KAT6A: variants seen among roughly 807,000 people sequenced by gnomAD.
KAT6A encodes lysine acetyltransferase 6A, also known as histone acetyltransferase KAT6A.
In KAT6A, 9 loss-of-function variants were observed where a neutral mutation model predicts 198.4. The observed-to-expected ratio is 0.05, with a 90% CI of 0.03 to 0.08. The LOEUF (loss-of-function observed/expected upper bound fraction) is 0.08. Ranked by LOEUF, KAT6A falls within the 10% of genes least tolerant of loss-of-function variation. The probability of loss-of-function intolerance (pLI) is 1.00; values close to 1 mark genes in which losing one functional copy is unlikely to be tolerated. For missense variants in KAT6A, 2,077 were observed against 2,509.9 expected, an observed-to-expected ratio of 0.83 and a Z score of 3.69; for synonymous variants, 890 against 883.0, an observed-to-expected ratio of 1.01 and a Z score of -0.14.
At chr8:41,966,963 G>A (rs1823522295) in intron 8 of KAT6A, among the ~76,000 whole-genome samples, 1 of 152,052 alleles carries the variant, frequency 6.6e-6, no homozygotes, top group South Asian at 2.1e-4. Context: ...ATGTAAAATG[G>A]GGTAACACCT....
Position 41,933,173 on chromosome 8 carries a change from G to A in KAT6A, c.5047C>T (p.Pro1683Ser). The change falls in exon 17 of 17, where the codon CCG (proline) becomes TCG (serine). Residue 1683 changes from proline to serine, a missense_variant. Coordinates refer to ENST00000265713, the MANE Select transcript of KAT6A (RefSeq NM_006766.5). The surrounding 1 kb of genome is among the most constrained non-coding windows in gnomAD (Gnocchi z 6.2). The part of the protein sequence containing the change: ...PPPQQQPQQQ[P>S]QPQPQQPPPP... ...GGAGGCTGCTGGGGCTGAGGCTGCG[G>A]CTGCTGTTGCGGCTGCTGCTGGGGT... The A allele has an allele frequency of 6.3e-7, 1 of 1,591,932 alleles. No homozygotes were observed. The highest frequency in any genetic ancestry group is 8.5e-7 in the Non-Finnish European group (1 of 1,169,880).
chr8:41,974,580 C>T (rs1375409409), intron 8 of KAT6A, 124 bp downstream of exon 8: 18 of 629,720 alleles, frequency 2.9e-5, no homozygotes, highest in East Asian at 2.7e-5. Flanking sequence ...CATATACACA[C>T]AAACCACAAC....
At chr8:41,983,672 T>C (rs1390097818) in intron 3 of KAT6A, among the ~76,000 whole-genome samples, 1 of 152,240 alleles carries the variant, frequency 6.6e-6, no homozygotes. Flanking sequence ...GAGTCAAATG[T>C]ATTAAACATT....
rs1802466995 is a variant in KAT6A at position 42,049,097 on chromosome 8, T to C, written c.-120A>G. On this transcript the variant is annotated 5_prime_UTR_variant, in exon 2 of 17. Coordinates refer to ENST00000265713, the MANE Select transcript of KAT6A (RefSeq NM_006766.5). ...AACCAGTTAACCATAGCATATGAGT[T>C]TTCTGGCCTAAGTCCTTCCTCCTTT... 9.3e-7 allele frequency: 1 copy of C among 1,072,070 alleles called. No homozygotes were observed. Among genetic ancestry groups the C allele is most frequent in the African/African-American group, 1.6e-5 (1 of 63,276 alleles). The allele number at this position is 1,072,070 out of a possible 1,614,324, so 66.4% of individuals were successfully genotyped here.
At chr8:41,995,529 A>T (rs1010893637) in intron 2 of KAT6A, among the ~76,000 whole-genome samples, 2 of 152,154 alleles carry the variant, frequency 1.3e-5, no homozygotes, top group African/African-American at 4.8e-5. Context: ...AACAGTAAAA[A>T]TTTTGCCCAA....
intron 9 of KAT6A, among the ~76,000 whole-genome samples, chr8:41,954,290 C>T (rs2150870695): frequency 6.6e-6 from 1 of 152,316 alleles, no homozygotes; most frequent in East Asian, 1.9e-4. Context: ...TTCTTGGCAA[C>T]AACCCATGTT....
intron 2 of KAT6A, among the ~76,000 whole-genome samples, chr8:42,013,668 T>C (rs1826127522): frequency 6.6e-6 from 1 of 152,356 alleles, no homozygotes; most frequent in Middle Eastern, 3.4e-3. Context: ...CTTCTATAAT[T>C]TTCATTCAAA....
Position 41,977,208 on chromosome 8 carries a change from T to C in KAT6A, c.1163A>G (p.Asp388Gly), listed in dbSNP as rs777883958. 3 of 1,614,092 alleles carry C rather than the reference T, an allele frequency of 1.9e-6. No individual in the cohort carries two copies. The highest frequency in any genetic ancestry group is 1.3e-5 in the African/African-American group (1 of 74,946). The change falls in exon 7 of 17, where the codon GAT becomes GGT. Residue 388 changes from aspartate to glycine, a missense_variant. By Grantham distance (94) the Asp-to-Gly change is moderately conservative. Transcript: ENST00000265713. ...GCTATCTCTGCAGAAGTCCAAGCCA[T>C]CTATCCGCTCTAAATATCCTTCTTC... Reference protein sequence around the residue: ...SSEEGYLERIDGLDFCRDSNV... With the variant: ...SSEEGYLERIGGLDFCRDSNV...
chr8:42,044,779 A>G (rs549427781), intron 2 of KAT6A, among the ~76,000 whole-genome samples: 1 of 152,352 alleles, frequency 6.6e-6, no homozygotes, highest in South Asian at 2.1e-4. Flanking sequence ...GGCCCACAGT[A>G]GGTGCTCAAT....
In KAT6A at chr8:41,990,312, T is replaced by C. The variant is rs569536637; in HGVS notation, c.601-2749A>G. 8.5e-5 allele frequency among the ~76,000 whole-genome samples: 13 copies of C among 152,228 alleles called. No individual in the cohort carries two copies. In the South Asian group the frequency reaches 2.7e-3, roughly 32 times the overall value. ...GAGCAAAGAAATGGAGAAAAGAAGATAAAAGATATTAAAAGATAAAATTGT... is the reference window on the plus strand; with the variant it reads ...GAGCAAAGAAATGGAGAAAAGAAGACAAAAGATATTAAAAGATAAAATTGT... On this transcript the variant is annotated intron_variant, in intron 2 of 16. Coordinates refer to ENST00000265713, the MANE Select transcript of KAT6A (RefSeq NM_006766.5).
chr8:41,992,930 T>C (rs1825014026), intron 2 of KAT6A, among the ~76,000 whole-genome samples: 1 of 152,214 alleles, frequency 6.6e-6, no homozygotes, highest in African/African-American at 2.4e-5. Context: ...ATTATTGTTA[T>C]TCTTCAGCAT....
intron 9 of KAT6A, among the ~76,000 whole-genome samples, chr8:41,952,209 C>T (rs370647291): frequency 1.2e-4 from 18 of 152,236 alleles, no homozygotes; most frequent in South Asian, 4.1e-4. Context: ...ACTGGGATGA[C>T]GAGAATAATC....
rs75451185 is a variant in KAT6A at position 41,959,159 on chromosome 8, G to A, written c.1483-3748C>T. 8.5e-3 allele frequency among the ~76,000 whole-genome samples: 703 copies of A among 82,710 alleles called. 10 individuals are homozygous for A. Among genetic ancestry groups the A allele is most frequent in the Non-Finnish European group, 7.2e-3 (304 of 42,412 alleles). 54.3% of individuals were successfully genotyped at this position (82,710 alleles called of 152,430 possible). A position where few individuals can be genotyped will look rare whatever the true frequency, so the allele number is the denominator to read the frequency against. On this transcript the variant is annotated intron_variant, in intron 8 of 16. Transcript: ENST00000265713. ...CTGGGTGACAGAGCCAGACTGTCTC[G>A]AAAAAAAAAAAAAAAAAAAAAGTTG... is the stretch of plus-strand genomic sequence containing the variant.
At chr8:42,011,581 C>T (rs2150908914) in intron 2 of KAT6A, among the ~76,000 whole-genome samples, 1 of 152,002 alleles carries the variant, frequency 6.6e-6, no homozygotes, top group Middle Eastern at 3.4e-3. Flanking sequence ...CTACTAAAAA[C>T]ACAGAAAAAT....
At chr8:41,966,927 T>C (rs1456773290) in intron 8 of KAT6A, among the ~76,000 whole-genome samples, 2 of 152,304 alleles carry the variant, frequency 1.3e-5, no homozygotes, top group East Asian at 1.9e-4. Context: ...AGGAAGTCAC[T>C]GAACTAATAG....
Position 42,048,435 on chromosome 8 carries a change from A to G in KAT6A, c.543T>C (p.Ser181=). ...GAGGTAAACAGGAAAGAGACTCACAACTCTCTTTCCCATCCACGTTGGTTG... is the reference window on the plus strand; with the variant it reads ...GAGGTAAACAGGAAAGAGACTCACAGCTCTCTTTCCCATCCACGTTGGTTG... The part of the protein sequence containing the change: ...TKATNVDGKE[S]CESLSCLPPV... Residue 181 remains serine (S), a synonymous_variant, in exon 2 of 17, where the codon AGT becomes AGC. Transcript: ENST00000265713. 3 of 1,613,716 alleles carry G rather than the reference A, an allele frequency of 1.9e-6. No homozygotes were observed. The highest frequency in any genetic ancestry group is 2.5e-6 in the Non-Finnish European group (3 of 1,179,846).
At chr8:41,997,490 C>A (rs1294503336) in intron 2 of KAT6A, among the ~76,000 whole-genome samples, 2 of 152,110 alleles carry the variant, frequency 1.3e-5, no homozygotes, top group East Asian at 1.9e-4. Context: ...TTTCACTGTA[C>A]CTACATGGAA....
At chr8:41,991,337 C>T (rs1824937208) in intron 2 of KAT6A, among the ~76,000 whole-genome samples, 1 of 152,076 alleles carries the variant, frequency 6.6e-6, no homozygotes, top group African/African-American at 2.4e-5. Flanking sequence ...CTGCCAACAA[C>T]ATGGATGAAT....
At chr8:41,992,322 G>T (rs922699293) in intron 2 of KAT6A, among the ~76,000 whole-genome samples, 1 of 152,184 alleles carries the variant, frequency 6.6e-6, no homozygotes. Context: ...CCAACAAACT[G>T]CCATGAACGG....
Sources: gnomAD v4.1 joint callset for allele counts (sites outside exome capture counted in the v4.1 genomes callset) on GRCh38, gnomAD v4.1.1 for gene constraint, Gnocchi (gnomAD v3.1) non-coding constraint, MANE v1.5 for transcripts, NCBI Gene and HGNC (gene_info 2026-07-23, HGNC 2026-07-21) for gene names.